The following PTPRD variants were observed in gnomAD, a reference collection of about 807,000 sequenced individuals.
The protein encoded by PTPRD is receptor-type tyrosine-protein phosphatase delta.
PTPRD carries 34 observed loss-of-function variants against 214.5 expected under a neutral mutation model. That is an observed-to-expected ratio of 0.16 (90% CI 0.12 to 0.21). PTPRD has a LOEUF of 0.21. Among genes scored for constraint, PTPRD ranks in the 10% least tolerant of loss-of-function variants. The probability of loss-of-function intolerance (pLI) is 1.00; values close to 1 mark genes in which losing one functional copy is unlikely to be tolerated. For synonymous variants in PTPRD, 1,128 were observed against 845.7 expected (o/e 1.33, Z -5.79); for missense variants, 2,545 against 2,398.7 (o/e 1.06, Z -1.27).
At chr9:8,330,144 C>T (rs1195324281) in intron 44 of PTPRD, among the ~76,000 whole-genome samples, 2 of 152,126 alleles carry the variant, frequency 1.3e-5, no homozygotes, top group African/African-American at 4.8e-5. Context: ...CCCCTGACCC[C>T]TTGTGCTTCC....
intron 11 of PTPRD, among the ~76,000 whole-genome samples, chr9:8,992,837 T>C (rs142606971): frequency 6.6e-6 from 1 of 152,168 alleles, no homozygotes; most frequent in African/African-American, 2.4e-5. Context: ...TTAGAGGGAC[T>C]AAAGGGACAG....
intron 5 of PTPRD, among the ~76,000 whole-genome samples, chr9:9,935,567 A>G (rs1274872924): frequency 6.6e-6 from 1 of 151,996 alleles, no homozygotes; most frequent in African/African-American, 2.4e-5. Flanking sequence ...ATGCTCAAGG[A>G]AATAAAAGAG....
intron 3 of PTPRD, among the ~76,000 whole-genome samples, chr9:10,165,819 A>C (rs1020600378): frequency 2.0e-5 from 3 of 151,162 alleles, no homozygotes; most frequent in Non-Finnish European, 3.0e-5. Context: ...TGAATATAAT[A>C]TCATGTTTAT....
intron 10 of PTPRD, among the ~76,000 whole-genome samples, chr9:9,026,865 T>C (rs977367069): frequency 6.6e-6 from 1 of 151,878 alleles, no homozygotes; most frequent in Non-Finnish European, 1.5e-5. Flanking sequence ...TGGACTCTCC[T>C]ACTCCGACAT....
chr9:8,510,541 G>C (rs898743136), intron 21 of PTPRD, among the ~76,000 whole-genome samples: 1 of 152,076 alleles, frequency 6.6e-6, no homozygotes, highest in African/African-American at 2.4e-5. Context: ...GAACCTTCCA[G>C]GTAAAACCTT....
chr9:8,447,043 A>C (rs2095758332), intron 34 of PTPRD, among the ~76,000 whole-genome samples: 1 of 152,260 alleles, frequency 6.6e-6, no homozygotes. Flanking sequence ...TCCAGACAGC[A>C]GGCCACAACA....
At chr9:10,079,866 T>A (rs372380920) in intron 3 of PTPRD, among the ~76,000 whole-genome samples, 9 of 152,208 alleles carry the variant, frequency 5.9e-5, no homozygotes, top group African/African-American at 2.2e-4. Context: ...GTTAGATGTT[T>A]GCTATGAATA....
chr9:9,391,947 A>G (rs775918668), intron 9 of PTPRD, among the ~76,000 whole-genome samples: 12 of 152,116 alleles, frequency 7.9e-5, no homozygotes, highest in Non-Finnish European at 1.5e-4. Flanking sequence ...AGTTCACTCA[A>G]TTTTCCACAT....
At chr9:9,073,264 A>T (rs1276436213) in intron 10 of PTPRD, among the ~76,000 whole-genome samples, 1 of 152,228 alleles carries the variant, frequency 6.6e-6, no homozygotes, top group Non-Finnish European at 1.5e-5. Context: ...TCTAGTGATT[A>T]TCAGAGTCAT....
At chr9:8,541,799 G>A (rs2078505493) in intron 14 of PTPRD, among the ~76,000 whole-genome samples, 1 of 152,148 alleles carries the variant, frequency 6.6e-6, no homozygotes, top group African/African-American at 2.4e-5. Flanking sequence ...TTTTCGAAAT[G>A]TTTGAACTTT....
intron 12 of PTPRD, among the ~76,000 whole-genome samples, chr9:8,705,931 T>C (rs764660588): frequency 4.6e-5 from 7 of 152,184 alleles, no homozygotes; most frequent in Non-Finnish European, 1.0e-4. Flanking sequence ...AATGGCCAAC[T>C]GTGATTCGGA....
Position 9,532,860 on chromosome 9 carries a change from A to G in PTPRD, c.-237+41872T>C, listed in dbSNP as rs553015350. On this transcript the variant is annotated intron_variant, in intron 8 of 45. Coordinates refer to ENST00000381196, the MANE Select transcript of PTPRD (RefSeq NM_002839.4). ...TTCATAATAACATGGCACAGTTTATATGACTGGTTGCTTATGAACTACTGA... is the reference window on the plus strand; with the variant it reads ...TTCATAATAACATGGCACAGTTTATGTGACTGGTTGCTTATGAACTACTGA... Among the ~76,000 whole-genome samples, 65 of 152,280 alleles carry G rather than the reference A, an allele frequency of 4.3e-4. 1 individual carries two copies. The South Asian group carries it at 0.013, about 31-fold the overall frequency.
intron 2 of PTPRD, among the ~76,000 whole-genome samples, chr9:10,406,019 A>G (rs1363259711): frequency 2.0e-5 from 3 of 151,350 alleles, no homozygotes; most frequent in Non-Finnish European, 4.4e-5. Context: ...TAAACTATCC[A>G]TTATAAGATA....
chr9:9,226,744 G>T (rs932201338), intron 9 of PTPRD, among the ~76,000 whole-genome samples: 4 of 151,958 alleles, frequency 2.6e-5, no homozygotes, highest in Admixed American at 2.6e-4. Flanking sequence ...ACTATAAGCT[G>T]CATGAAGGTA....
chr9:8,676,286 T>A (rs2097414370), intron 12 of PTPRD, among the ~76,000 whole-genome samples: 1 of 151,774 alleles, frequency 6.6e-6, no homozygotes, highest in Non-Finnish European at 1.5e-5. Flanking sequence ...TACAACTCCC[T>A]AAGCCCACCT....
rs567631959 is a variant in PTPRD at position 8,543,758 on chromosome 9, G to A, written c.353-14979C>T. Among the ~76,000 whole-genome samples the A allele has an allele frequency of 2.6e-5, 4 of 152,066 alleles. 1 individual carries two copies. The East Asian group carries it at 7.8e-4, about 29-fold the overall frequency. Reference sequence around the variant, plus strand: ...GACAGAGTCTTGCTCTGTTGTCCAGGCTGGAGTGCAATGGCATGGTCTAGG... The same window carrying A: ...GACAGAGTCTTGCTCTGTTGTCCAGACTGGAGTGCAATGGCATGGTCTAGG... On this transcript the variant is annotated intron_variant, in intron 14 of 45. Transcript: ENST00000381196.
intron 4 of PTPRD, among the ~76,000 whole-genome samples, chr9:9,977,639 G>T (rs1335454936): frequency 6.6e-6 from 1 of 152,096 alleles, no homozygotes; most frequent in Admixed American, 6.6e-5. Flanking sequence ...AAATTGCCAT[G>T]AGTACGACTG....
intron 2 of PTPRD, among the ~76,000 whole-genome samples, chr9:10,509,683 G>A (rs2047362452): frequency 6.7e-6 from 1 of 149,830 alleles, no homozygotes; most frequent in South Asian, 2.1e-4. Context: ...GCACTCTTAC[G>A]ATTGACTGTA....
At chr9:9,341,311 T>C (rs1173680519) in intron 9 of PTPRD, among the ~76,000 whole-genome samples, 1 of 152,080 alleles carries the variant, frequency 6.6e-6, no homozygotes, top group African/African-American at 2.4e-5. Flanking sequence ...TTTAGGCAGA[T>C]GGGCTCTGAA....
Sources: gnomAD v4.1 joint callset for allele counts (sites outside exome capture counted in the v4.1 genomes callset) on GRCh38, gnomAD v4.1.1 for gene constraint, MANE v1.5 for transcripts, NCBI Gene and HGNC (gene_info 2026-07-23, HGNC 2026-07-21) for gene names.